CCDC102B: variants seen among roughly 807,000 people sequenced by gnomAD.
CCDC102B encodes the protein coiled-coil domain-containing protein 102B.
CCDC102B carries 75 observed loss-of-function variants against 57.4 expected under a neutral mutation model. The observed-to-expected ratio is 1.31, with a 90% confidence interval of 1.08 to 1.58. The LOEUF is 1.58. Among genes scored for constraint, CCDC102B ranks in the 40% most tolerant of loss-of-function variants. The pLI is 0.00. For missense variants in CCDC102B, 636 were observed against 582.6 expected (o/e 1.09, Z -0.94); for synonymous variants, 206 against 201.9 (o/e 1.02, Z -0.17).
At chr18:68,715,262 G>A in exon 1 of CCDC102B, 1 of 1,326,772 alleles carries the variant, frequency 7.5e-7, no homozygotes, top group African/African-American at 1.5e-5. Flanking sequence ...CCAGGAGCGT[G>A]GGAACCCTGC....
intron 3 of CCDC102B, among the ~76,000 whole-genome samples, chr18:68,842,995 T>C (rs1046525825): frequency 6.6e-6 from 1 of 152,152 alleles, no homozygotes; most frequent in Non-Finnish European, 1.5e-5. Context: ...CCCTGTCCGC[T>C]TCATCTGCAA....
intron 6 of CCDC102B, among the ~76,000 whole-genome samples, chr18:68,996,036 T>C (rs1228178404): frequency 6.6e-6 from 1 of 152,194 alleles, no homozygotes; most frequent in Non-Finnish European, 1.5e-5. Flanking sequence ...AGATTTGTGA[T>C]GGTTAATATT....
At chr18:69,034,516 T>A (rs908438006) in intron 7 of CCDC102B, among the ~76,000 whole-genome samples, 1 of 151,984 alleles carries the variant, frequency 6.6e-6, no homozygotes, top group African/African-American at 2.4e-5. Context: ...CAATTGACCA[T>A]AAATGTCAGA....
chr18:68,971,902 T>C (rs1260579378), intron 6 of CCDC102B, among the ~76,000 whole-genome samples: 1 of 152,008 alleles, frequency 6.6e-6, no homozygotes. Flanking sequence ...ACATTTGTGA[T>C]TGTTTTCTTC....
intron 6 of CCDC102B, among the ~76,000 whole-genome samples, chr18:68,917,095 T>C (rs1599687380): frequency 1.3e-5 from 2 of 152,344 alleles, no homozygotes; most frequent in African/African-American, 4.8e-5. Flanking sequence ...AACCTCCCAT[T>C]GTTCATAGCT....
intron 4 of CCDC102B, among the ~76,000 whole-genome samples, chr18:68,847,475 T>A (rs28372567): frequency 0.34 from 50,882 of 151,630 alleles, 9,619 homozygotes; most frequent in East Asian, 0.65. Flanking sequence ...CACAGACTTG[T>A]TAATCTTCCT....
At chr18:68,934,019 G>C (rs368458047) in intron 6 of CCDC102B, among the ~76,000 whole-genome samples, 5 of 151,764 alleles carry the variant, frequency 3.3e-5, no homozygotes, top group African/African-American at 1.2e-4. Flanking sequence ...CTAGATAAAT[G>C]TCCTTTCACC....
intron 7 of CCDC102B, among the ~76,000 whole-genome samples, chr18:69,053,071 T>C (rs977182109): frequency 8.6e-5 from 13 of 151,774 alleles, no homozygotes; most frequent in African/African-American, 3.1e-4. Context: ...CCAGTATATA[T>C]GAATGTTCAG....
At chr18:68,842,617 C>T (rs535825681) in intron 3 of CCDC102B, among the ~76,000 whole-genome samples, 1 of 152,174 alleles carries the variant, frequency 6.6e-6, no homozygotes, top group Non-Finnish European at 1.5e-5. Flanking sequence ...CATACCTAAG[C>T]GAGAAGCAGC....
intron 5 of CCDC102B, among the ~76,000 whole-genome samples, chr18:68,893,507 G>A: frequency 6.6e-6 from 1 of 152,236 alleles, no homozygotes; most frequent in East Asian, 1.9e-4. Context: ...TGCTTTGTGT[G>A]TAATCATTGT....
At chr18:68,758,754 A>G (rs1434023909) in intron 2 of CCDC102B, among the ~76,000 whole-genome samples, 1 of 151,714 alleles carries the variant, frequency 6.6e-6, no homozygotes, top group Non-Finnish European at 1.5e-5. Context: ...ACCTGGGAAG[A>G]TTAAATGCTT....
intron 6 of CCDC102B, among the ~76,000 whole-genome samples, chr18:68,985,189 A>G (rs972993980): frequency 6.6e-6 from 1 of 152,202 alleles, no homozygotes; most frequent in Non-Finnish European, 1.5e-5. Context: ...GTTTCAAAGG[A>G]TAATATTTAA....
intron 1 of CCDC102B, among the ~76,000 whole-genome samples, chr18:68,833,141 A>G (rs1354356595): frequency 1.3e-5 from 2 of 152,210 alleles, no homozygotes; most frequent in Non-Finnish European, 2.9e-5. Flanking sequence ...GAATTTTCAT[A>G]TGAAAAGGTG....
intron 3 of CCDC102B, among the ~76,000 whole-genome samples, chr18:68,839,518 C>A (rs1361661671): frequency 6.6e-6 from 1 of 152,162 alleles, no homozygotes; most frequent in Non-Finnish European, 1.5e-5. Flanking sequence ...AAGTAATTAT[C>A]ATTAAAACAT....
At chr18:68,825,738 C>A (rs1157077186) in intron 1 of CCDC102B, among the ~76,000 whole-genome samples, 1 of 152,034 alleles carries the variant, frequency 6.6e-6, no homozygotes, top group African/African-American at 2.4e-5. Context: ...GTTATTAAAA[C>A]TTCAAGAGGT....
intron 6 of CCDC102B, among the ~76,000 whole-genome samples, chr18:68,968,844 C>G (rs752798772): frequency 6.6e-6 from 1 of 152,044 alleles, no homozygotes; most frequent in Non-Finnish European, 1.5e-5. Context: ...CTTCGAGGTC[C>G]ATACATGTTC....
intron 6 of CCDC102B, among the ~76,000 whole-genome samples, chr18:68,985,747 A>G (rs1390915737): frequency 2.0e-5 from 3 of 152,112 alleles, no homozygotes; most frequent in Non-Finnish European, 2.9e-5. Flanking sequence ...GTTCTCTCCA[A>G]TCCTGCCCAC....
intron 2 of CCDC102B, among the ~76,000 whole-genome samples, chr18:68,752,963 C>T (rs569599054): frequency 3.9e-5 from 6 of 152,162 alleles, no homozygotes; most frequent in Admixed American, 6.5e-5. Context: ...CTCCTCCATT[C>T]GAAACCCTAA....
intron 6 of CCDC102B, among the ~76,000 whole-genome samples, chr18:68,995,354 G>A (rs1594471): frequency 0.034 from 5,169 of 152,236 alleles, 312 homozygotes; most frequent in African/African-American, 0.12. Flanking sequence ...TGGGGAGAAT[G>A]TCTCCAGGGC....
Sources: gnomAD v4.1 joint callset for allele counts (sites outside exome capture counted in the v4.1 genomes callset) on GRCh38, gnomAD v4.1.1 for gene constraint, MANE v1.5 for transcripts, NCBI Gene and HGNC (gene_info 2026-07-23, HGNC 2026-07-21) for gene names.